Variants in DCLK1 observed in about 807,000 individuals in gnomAD.
DCLK1 encodes the protein doublecortin like kinase 1, also known as serine/threonine-protein kinase DCLK1.
DCLK1 carries 16 observed loss-of-function variants against 86.2 expected under a neutral mutation model. That is an observed-to-expected ratio of 0.19 (90% CI 0.13 to 0.28). The LOEUF (loss-of-function observed/expected upper bound fraction) is 0.28. DCLK1 is among the 10% of genes least tolerant of loss of function. DCLK1 has a pLI of 1.00. For missense variants in DCLK1, 590 were observed against 940.2 expected (o/e 0.63, Z 4.87); for synonymous variants, 369 against 370.5 (o/e 1.00, Z 0.05).
chr13:36,066,072 C>A (rs1883741554), intron 3 of DCLK1, among the ~76,000 whole-genome samples: 1 of 152,054 alleles, frequency 6.6e-6, no homozygotes, highest in Admixed American at 6.5e-5. Flanking sequence ...ACAACTTCAT[C>A]GTGTCTAATT....
intron 3 of DCLK1, among the ~76,000 whole-genome samples, chr13:35,995,295 AT>A (rs1293056939): frequency 6.6e-6 from 1 of 152,226 alleles, no homozygotes; most frequent in Non-Finnish European, 1.5e-5. Context: ...AGTGGAGGAA[AT>A]GACTTAACAT....
intron 3 of DCLK1, among the ~76,000 whole-genome samples, chr13:36,073,174 C>A (rs1884042557): frequency 6.6e-6 from 1 of 152,178 alleles, no homozygotes; most frequent in African/African-American, 2.4e-5. Flanking sequence ...TGGCAACCAC[C>A]ACCACAATTC....
intron 3 of DCLK1, among the ~76,000 whole-genome samples, chr13:35,974,297 G>A (rs1440648846): frequency 6.6e-6 from 1 of 152,146 alleles, no homozygotes; most frequent in African/African-American, 2.4e-5. Context: ...TGAGGTCAGT[G>A]GGGTGGGATG....
At chr13:36,037,791 T>G (rs545006923) in intron 3 of DCLK1, among the ~76,000 whole-genome samples, 1 of 152,268 alleles carries the variant, frequency 6.6e-6, no homozygotes, top group South Asian at 2.1e-4. Context: ...GCCACCCTGA[T>G]GTGATCTTTA....
At chr13:35,918,948 T>G in intron 4 of DCLK1, among the ~76,000 whole-genome samples, 1 of 142,494 alleles carries the variant, frequency 7.0e-6, no homozygotes, top group East Asian at 2.2e-4. Context: ...CTGCCCAGGC[T>G]GGAGTGCAGT....
At chr13:36,004,327 G>T (rs1329086542) in intron 3 of DCLK1, among the ~76,000 whole-genome samples, 2 of 152,088 alleles carry the variant, frequency 1.3e-5, no homozygotes, top group African/African-American at 4.8e-5. Flanking sequence ...ACATGCACTG[G>T]TTCTGGAATA....
intron 16 of DCLK1, among the ~76,000 whole-genome samples, chr13:35,785,511 C>G (rs2086605297): frequency 6.6e-6 from 1 of 152,020 alleles, no homozygotes. Context: ...ATGCTGCTCC[C>G]TTGGAAGCAG....
At chr13:36,018,015 C>G (rs1424134969) in intron 3 of DCLK1, among the ~76,000 whole-genome samples, 2 of 152,224 alleles carry the variant, frequency 1.3e-5, no homozygotes, top group African/African-American at 4.8e-5. Context: ...TAACATCACT[C>G]AGTTCTTCTA....
At chr13:36,094,641 TGTC>T (rs1225652616) in intron 3 of DCLK1, among the ~76,000 whole-genome samples, 10 of 152,182 alleles carry the variant, frequency 6.6e-5, no homozygotes, top group African/African-American at 2.2e-4. Flanking sequence ...TTAAGACAAA[TGTC>T]GTTACTGCAC....
At chr13:35,991,924 C>A (rs1302854307) in intron 3 of DCLK1, among the ~76,000 whole-genome samples, 1 of 152,042 alleles carries the variant, frequency 6.6e-6, no homozygotes, top group Non-Finnish European at 1.5e-5. Flanking sequence ...ATTGATCAAG[C>A]TTTTTCTAAT....
intron 5 of DCLK1, among the ~76,000 whole-genome samples, chr13:35,856,089 T>C (rs1871037516): frequency 1.3e-5 from 2 of 152,226 alleles, no homozygotes; most frequent in African/African-American, 2.4e-5. Context: ...AAATGTCACA[T>C]ACCCCATGCT....
At chr13:36,109,139 C>G (rs994158462) in intron 3 of DCLK1, among the ~76,000 whole-genome samples, 2 of 152,328 alleles carry the variant, frequency 1.3e-5, no homozygotes, top group Admixed American at 6.5e-5. Context: ...TATGTTCTTT[C>G]CACTTTATCA....
At chr13:35,818,841 G>T (rs1386626907) in intron 11 of DCLK1, among the ~76,000 whole-genome samples, 1 of 151,626 alleles carries the variant, frequency 6.6e-6, no homozygotes, top group African/African-American at 2.4e-5. Flanking sequence ...AACCATCATG[G>T]CATGCATACA....
intron 2 of DCLK1, among the ~76,000 whole-genome samples, chr13:36,123,043 A>G (rs551681266): frequency 6.6e-6 from 1 of 152,380 alleles, no homozygotes; most frequent in South Asian, 2.1e-4. Context: ...AGTGAGAAAG[A>G]GCAAGAAAAT....
chr13:36,075,461 G>A (rs936296225), intron 3 of DCLK1, among the ~76,000 whole-genome samples: 5 of 152,118 alleles, frequency 3.3e-5, no homozygotes, highest in Non-Finnish European at 5.9e-5. Context: ...TTGGGAAATC[G>A]AGCATATGTC....
At chr13:36,039,501 C>T (rs1446314280) in intron 3 of DCLK1, among the ~76,000 whole-genome samples, 1 of 152,048 alleles carries the variant, frequency 6.6e-6, no homozygotes, top group Non-Finnish European at 1.5e-5. Context: ...TTCAGCACCA[C>T]TTTCTTCTAA....
intron 3 of DCLK1, among the ~76,000 whole-genome samples, chr13:35,971,870 G>A (rs572904702): frequency 6.6e-6 from 1 of 152,228 alleles, no homozygotes; most frequent in Non-Finnish European, 1.5e-5. Context: ...GACCTCGGTT[G>A]TTTTTATTGT....
Position 36,129,777 on chromosome 13 carries a change from G to A in DCLK1, c.-20+1337C>T, listed in dbSNP as rs1886302837. 2.6e-5 allele frequency among the ~76,000 whole-genome samples: 4 copies of A among 152,102 alleles called. No homozygotes were observed. The South Asian group carries it at 8.3e-4, about 31-fold the overall frequency. On this transcript the variant is annotated intron_variant, in intron 1 of 16. Coordinates refer to ENST00000360631, the MANE Select transcript of DCLK1 (RefSeq NM_001330071.2). ...CAGCACCTCAGCCACAGCGACCACAGACACTGGAGGTAAGAAGGGCCACTG... is the reference window on the plus strand; with the variant it reads ...CAGCACCTCAGCCACAGCGACCACAAACACTGGAGGTAAGAAGGGCCACTG...
intron 4 of DCLK1, among the ~76,000 whole-genome samples, chr13:35,934,374 C>A (rs907914800): frequency 3.5e-4 from 53 of 152,276 alleles, no homozygotes; most frequent in Middle Eastern, 3.4e-3. Flanking sequence ...TGAAGATATA[C>A]CCGAGACTGG....
Sources: allele counts gnomAD v4.1 joint callset (sites outside exome capture counted in the v4.1 genomes callset), GRCh38; gene constraint gnomAD v4.1.1; transcripts MANE v1.5; gene names NCBI Gene and HGNC (gene_info 2026-07-23, HGNC 2026-07-21).